Variants in PCDH11X observed in about 807,000 individuals in gnomAD.
The protein encoded by PCDH11X is protocadherin-11 X-linked.
PCDH11X carries 18 observed loss-of-function variants against 53.3 expected under a neutral mutation model. That is an observed-to-expected ratio of 0.34 (90% CI 0.23 to 0.50). PCDH11X has a LOEUF of 0.50. Among genes scored for constraint, PCDH11X ranks in the 20% least tolerant of loss-of-function variants. PCDH11X has a pLI of 0.98. For synonymous variants in PCDH11X, 279 were observed against 393.3 expected, an observed-to-expected ratio of 0.71 and a Z score of 3.44; for missense variants, 570 against 1,032.4, an observed-to-expected ratio of 0.55 and a Z score of 6.14.
chrX:92,303,231 A>G (rs1035008549), intron 8 of PCDH11X, among the ~76,000 whole-genome samples: 7 of 111,422 alleles, frequency 6.3e-5, no homozygotes, highest in Non-Finnish European at 1.3e-4. Context: ...GAAGAAGATA[A>G]CAGCTCCATG....
At chrX:91,795,291 C>G (rs1290085554) in intron 1 of PCDH11X, among the ~76,000 whole-genome samples, 1 of 111,802 alleles carries the variant, frequency 8.9e-6, no homozygotes, top group African/African-American at 3.3e-5. Context: ...TTTGAAGTGA[C>G]TTGCCCAAGG....
At chrX:92,034,206 A>C (rs1479230649) in intron 6 of PCDH11X, among the ~76,000 whole-genome samples, 3 of 111,522 alleles carry the variant, frequency 2.7e-5, no homozygotes, top group Non-Finnish European at 5.6e-5. Flanking sequence ...GTGCTGAAGA[A>C]AAGAATGCGT....
chrX:92,478,134 GA>G (rs759602529), intron 10 of PCDH11X, among the ~76,000 whole-genome samples: 1,455 of 111,193 alleles, frequency 0.013, 28 homozygotes, highest in African/African-American at 0.045. Flanking sequence ...ACCTTGTGAA[GA>G]AGGTACTTGC....
intron 5 of PCDH11X, among the ~76,000 whole-genome samples, chrX:91,847,553 G>A (rs7053904): frequency 9.1e-6 from 1 of 109,651 alleles, no homozygotes; most frequent in East Asian, 2.9e-4. Flanking sequence ...TCCTTCTTCT[G>A]AAGGTCTCGT....
intron 5 of PCDH11X, among the ~76,000 whole-genome samples, chrX:91,848,077 A>G (rs1413816288): frequency 8.9e-6 from 1 of 112,042 alleles, no homozygotes; most frequent in African/African-American, 3.2e-5. Context: ...ATTTGTCTAC[A>G]GGCCATGTGA....
Position 91,864,172 on chromosome X carries a change from G to T in PCDH11X, c.541-12609G>T, listed in dbSNP as rs1393127956. 4.5e-5 allele frequency among the ~76,000 whole-genome samples: 5 copies of T among 111,318 alleles called. No individual in the cohort carries two copies. In the East Asian group the frequency reaches 1.4e-3, roughly 32 times the overall value. On this transcript the variant is annotated intron_variant, in intron 5 of 10. Transcript: ENST00000682573. ...TACTCCCTTTAGCATTTCTTGTAGG[G>T]CAGATCTCGTGTTGATGAAATCTCT...
chrX:92,606,973 A>G (rs891548683), intron 10 of PCDH11X, among the ~76,000 whole-genome samples: 4 of 110,670 alleles, frequency 3.6e-5, no homozygotes, highest in African/African-American at 1.3e-4. Flanking sequence ...ACAATGAGAT[A>G]GCACTTCTTA....
chrX:92,101,026 C>G (rs1043045405), intron 6 of PCDH11X, among the ~76,000 whole-genome samples: 8 of 111,657 alleles, frequency 7.2e-5, no homozygotes, highest in African/African-American at 2.6e-4. Flanking sequence ...GGACCTAGGA[C>G]ATCTGATTAG....
intron 6 of PCDH11X, among the ~76,000 whole-genome samples, chrX:92,024,677 T>C (rs1279995751): frequency 1.3e-4 from 11 of 84,777 alleles, no homozygotes; most frequent in Non-Finnish European, 2.2e-4. Context: ...AAATTTCATA[T>C]GGAACCAAAA....
chrX:92,181,823 G>A (rs1244957207), intron 6 of PCDH11X, among the ~76,000 whole-genome samples: 1 of 112,570 alleles, frequency 8.9e-6, no homozygotes, highest in Non-Finnish European at 1.9e-5. Context: ...GAGGATGTAT[G>A]GAAATGCCTG....
At chrX:92,226,149 A>T (rs1234075481) in intron 7 of PCDH11X, among the ~76,000 whole-genome samples, 1 of 111,598 alleles carries the variant, frequency 9.0e-6, no homozygotes, top group Non-Finnish European at 1.9e-5. Flanking sequence ...CTTGGCCAAC[A>T]CCCCAATAAC....
At chrX:91,821,137 G>C (rs1272370364) in intron 4 of PCDH11X, among the ~76,000 whole-genome samples, 1 of 106,821 alleles carries the variant, frequency 9.4e-6, no homozygotes, top group Non-Finnish European at 1.9e-5. Context: ...TTTGGCTTAG[G>C]ATTGACTTGG....
intron 10 of PCDH11X, among the ~76,000 whole-genome samples, chrX:92,558,510 T>A (rs946388561): frequency 9.0e-6 from 1 of 111,543 alleles, no homozygotes; most frequent in African/African-American, 3.3e-5. Context: ...TGCTTGAAGT[T>A]CTATATGGAA....
chrX:91,903,262 T>C (rs888803315), intron 6 of PCDH11X, among the ~76,000 whole-genome samples: 1 of 111,786 alleles, frequency 8.9e-6, no homozygotes, highest in Non-Finnish European at 1.9e-5. Context: ...ATCATATCTC[T>C]AATCTTGTTT....
At chrX:92,113,760 A>G in intron 6 of PCDH11X, 2 of 1,201,063 alleles carry the variant, frequency 1.7e-6, no homozygotes, top group Non-Finnish European at 2.2e-6. Context: ...TCTTGACAAG[A>G]ATCCGAATGG....
chrX:92,046,541 A>T (rs951809405), intron 6 of PCDH11X, among the ~76,000 whole-genome samples: 2 of 111,311 alleles, frequency 1.8e-5, no homozygotes, highest in Non-Finnish European at 1.9e-5. Flanking sequence ...TGTTTGTTTT[A>T]CATTGATATT....
intron 8 of PCDH11X, among the ~76,000 whole-genome samples, chrX:92,303,881 A>G (rs1323192913): frequency 9.1e-6 from 1 of 110,094 alleles, no homozygotes; most frequent in African/African-American, 3.3e-5. Flanking sequence ...ACCTCACAAG[A>G]TAAACAGTTC....
chrX:92,603,970 T>C (rs1466062127), intron 10 of PCDH11X, among the ~76,000 whole-genome samples: 3 of 106,844 alleles, frequency 2.8e-5, no homozygotes, highest in Admixed American at 1.0e-4. Flanking sequence ...TAAACAATTG[T>C]ATAAGATATA....
intron 4 of PCDH11X, among the ~76,000 whole-genome samples, chrX:91,820,772 C>A (rs1936645590): frequency 2.0e-5 from 2 of 102,112 alleles, no homozygotes; most frequent in African/African-American, 4.6e-5. Context: ...AATGGTAATG[C>A]CTAGGCTTTC....
Sources: gnomAD v4.1 joint callset for allele counts (sites outside exome capture counted in the v4.1 genomes callset) on GRCh38, gnomAD v4.1.1 for gene constraint, MANE v1.5 for transcripts, NCBI Gene and HGNC (gene_info 2026-07-23, HGNC 2026-07-21) for gene names.